Variants in ENOX1 observed in about 807,000 individuals in gnomAD.
The protein encoded by ENOX1 is ecto-NOX disulfide-thiol exchanger 1, also known as candidate growth-related and time keeping constitutive hydroquinone (NADH) oxidase.
Under a neutral mutation model 82.5 loss-of-function variants are expected in ENOX1, and 42 were observed. The ratio of observed to expected loss-of-function variants is 0.51; its 90% CI spans 0.40 to 0.66. The LOEUF is 0.66. Ranked by LOEUF, ENOX1 falls within the 30% of genes least tolerant of loss-of-function variation. The probability of loss-of-function intolerance (pLI) is 0.00; values close to 1 mark genes in which losing one functional copy is unlikely to be tolerated. For missense variants in ENOX1, 608 were observed against 811.6 expected, an observed-to-expected ratio of 0.75 and a Z score of 3.05; for synonymous variants, 271 against 282.2, an observed-to-expected ratio of 0.96 and a Z score of 0.40.
At chr13:43,669,188 A>T (rs1475619267) in intron 1 of ENOX1, among the ~76,000 whole-genome samples, 1 of 152,212 alleles carries the variant, frequency 6.6e-6, no homozygotes, top group African/African-American at 2.4e-5. Flanking sequence ...GACCATAAAG[A>T]GAATCACATT....
intron 1 of ENOX1, among the ~76,000 whole-genome samples, chr13:43,679,403 C>T (rs1419184024): frequency 2.0e-5 from 3 of 152,176 alleles, no homozygotes; most frequent in East Asian, 1.9e-4. Context: ...GACACACACA[C>T]ACGTTTTGGT....
chr13:43,329,500 C>T (rs757787865), intron 9 of ENOX1, among the ~76,000 whole-genome samples: 8 of 152,006 alleles, frequency 5.3e-5, no homozygotes, highest in Non-Finnish European at 1.0e-4. Context: ...TACTTTTGGA[C>T]GTATTGAGTT....
chr13:43,408,421 C>T (rs1008632020), intron 5 of ENOX1, among the ~76,000 whole-genome samples: 3 of 152,186 alleles, frequency 2.0e-5, no homozygotes, highest in African/African-American at 7.2e-5. Flanking sequence ...GCCAAGTACT[C>T]ATAAAATCCA....
intron 12 of ENOX1, 70 bp downstream of exon 12, chr13:43,298,276 G>T: frequency 6.8e-7 from 1 of 1,463,112 alleles, no homozygotes; most frequent in Non-Finnish European, 9.1e-7. Context: ...GCACACGGCT[G>T]CCTTTCCATT....
At chr13:43,708,951 A>T (rs2087504977) in intron 1 of ENOX1, among the ~76,000 whole-genome samples, 1 of 152,192 alleles carries the variant, frequency 6.6e-6, no homozygotes, top group South Asian at 2.1e-4. Flanking sequence ...AGTGGCTTTA[A>T]AAAGCAAATA....
chr13:43,473,233 T>C (rs1444102393), intron 3 of ENOX1, among the ~76,000 whole-genome samples: 2 of 152,330 alleles, frequency 1.3e-5, no homozygotes, highest in East Asian at 1.9e-4. Flanking sequence ...TTGTTGAATA[T>C]ATATTCTTGT....
chr13:43,461,863 G>A (rs1326671593), intron 3 of ENOX1, among the ~76,000 whole-genome samples: 2 of 152,184 alleles, frequency 1.3e-5, no homozygotes, highest in African/African-American at 4.8e-5. Flanking sequence ...GCTGAGCAAG[G>A]AAATGTAATT....
intron 11 of ENOX1, among the ~76,000 whole-genome samples, chr13:43,298,984 G>C (rs1446355304): frequency 1.3e-5 from 2 of 152,170 alleles, no homozygotes; most frequent in African/African-American, 4.8e-5. Flanking sequence ...GAGACATGCG[G>C]CAGCATCCCA....
chr13:43,432,233 T>C (rs2055715838), intron 3 of ENOX1, among the ~76,000 whole-genome samples: 1 of 152,088 alleles, frequency 6.6e-6, no homozygotes, highest in East Asian at 1.9e-4. Context: ...CCTATAATAA[T>C]AAAAACTGCA....
chr13:43,370,685 T>C (rs1325111689), intron 5 of ENOX1, among the ~76,000 whole-genome samples: 2 of 152,322 alleles, frequency 1.3e-5, no homozygotes, highest in Non-Finnish European at 2.9e-5. Flanking sequence ...TTGTTTCTTT[T>C]AATGGCACCA....
At position 43,259,588 on chromosome 13, in the gene ENOX1, C is replaced by T. The variant is rs183308299; in HGVS notation, c.1611+5810G>A. On this transcript the variant is annotated intron_variant, in intron 14 of 16. Transcript: ENST00000690772. ...AGTCCCAGTTCAAGCAATTCTCCTA[C>T]CTCAGCCTCCCGAGTAGCTGGGATT... Among the ~76,000 whole-genome samples, 64 of 152,280 alleles carry T rather than the reference C, an allele frequency of 4.2e-4. 1 individual carries two copies. The East Asian group carries it at 6.2e-3, about 15-fold the overall frequency.
chr13:43,588,330 C>T (rs1196802359), intron 2 of ENOX1, among the ~76,000 whole-genome samples: 1 of 152,110 alleles, frequency 6.6e-6, no homozygotes, highest in Non-Finnish European at 1.5e-5. Context: ...CATTCAATCA[C>T]TATAAGATCA....
At chr13:43,714,464 A>G (rs2087965739) in intron 1 of ENOX1, among the ~76,000 whole-genome samples, 1 of 152,058 alleles carries the variant, frequency 6.6e-6, no homozygotes, top group Non-Finnish European at 1.5e-5. Flanking sequence ...ATTCCTGGGT[A>G]TCTTTGTTAA....
At chr13:43,494,823 C>T (rs548906519) in intron 2 of ENOX1, among the ~76,000 whole-genome samples, 1 of 152,024 alleles carries the variant, frequency 6.6e-6, no homozygotes, top group South Asian at 2.1e-4. Context: ...TTGAATAGGT[C>T]AGTTAGACAG....
intron 1 of ENOX1, among the ~76,000 whole-genome samples, chr13:43,772,749 T>TAA (rs35359203): frequency 0.13 from 14,845 of 111,742 alleles, 1,140 homozygotes; most frequent in East Asian, 0.29. Context: ...ACTCTGTCTT[T>TAA]AAAAAAAAAA....
chr13:43,567,274 A>G (rs1335615748), intron 2 of ENOX1, among the ~76,000 whole-genome samples: 1 of 152,116 alleles, frequency 6.6e-6, no homozygotes, highest in African/African-American at 2.4e-5. Context: ...AATGGTTATC[A>G]AAATACATGT....
chr13:43,378,721 G>A (rs149469523), intron 5 of ENOX1, among the ~76,000 whole-genome samples: 80 of 152,104 alleles, frequency 5.3e-4, no homozygotes, highest in Middle Eastern at 3.4e-3. Flanking sequence ...TAAACTTCAC[G>A]GATATGAGAA....
Position 43,332,498 on chromosome 13 carries a change from G to T in ENOX1, c.1037-5973C>A, listed in dbSNP as rs1163362691. On this transcript the variant is annotated intron_variant, in intron 9 of 16. Transcript: ENST00000690772. ...AGGGGCTGGGGACCTCTGTTTTAGGGAATGGAATTTGAATAGAATAAAGAG... is the reference window on the plus strand; with the variant it reads ...AGGGGCTGGGGACCTCTGTTTTAGGTAATGGAATTTGAATAGAATAAAGAG... Among the ~76,000 whole-genome samples, 10 of 152,094 alleles carry T rather than the reference G, an allele frequency of 6.6e-5. 1 individual carries two copies. Among genetic ancestry groups the T allele is most frequent in the Admixed American group, 6.5e-4 (10 of 15,270 alleles).
intron 1 of ENOX1, among the ~76,000 whole-genome samples, chr13:43,667,814 T>C (rs968525734): frequency 6.6e-6 from 1 of 152,192 alleles, no homozygotes. Context: ...GCTTTAAAAG[T>C]AGTCTTTGTT....
Sources: gnomAD v4.1 joint callset for allele counts (sites outside exome capture counted in the v4.1 genomes callset) on GRCh38, gnomAD v4.1.1 for gene constraint, MANE v1.5 for transcripts, NCBI Gene and HGNC (gene_info 2026-07-23, HGNC 2026-07-21) for gene names.